MINPP1: variants seen among roughly 807,000 people sequenced by gnomAD.
MINPP1 encodes the protein multiple inositol polyphosphate phosphatase 1.
A neutral mutation model predicts 46.1 loss-of-function variants in MINPP1; 28 were observed. That is an observed-to-expected ratio of 0.61 (90% CI 0.45 to 0.83). The LOEUF is 0.83. MINPP1 is among the 40% of genes least tolerant of loss of function. MINPP1 has a pLI of 0.00. For missense variants in MINPP1, 603 were observed against 610.0 expected (o/e 0.99, Z 0.12); for synonymous variants, 268 against 249.1 (o/e 1.08, Z -0.72).
chr10:87,508,156 A>C (rs1851280779), intron 1 of MINPP1, 180 bp from the exon 2 acceptor site: 1 of 1,540,290 alleles, frequency 6.5e-7, no homozygotes, highest in Non-Finnish European at 8.7e-7. Context: ...CATGCGTTAC[A>C]GCCATTATAA....
chr10:87,513,162 C>T lies in MINPP1; in HGVS notation c.874C>T (p.Leu292=). Residue 292 remains leucine, a synonymous_variant, in exon 3 of 5, where the codon CTG becomes TTG. Coordinates refer to ENST00000371996, the MANE Select transcript of MINPP1 (RefSeq NM_004897.5). ...QVAFFTCSFD[L]AIKGVKSPWC... Reference sequence around the variant, plus strand: ...AGCCTTTTTCACCTGTTCATTTGACCTGGCAATTAAAGGTGTTAAATCTCC... The same window carrying T: ...AGCCTTTTTCACCTGTTCATTTGACTTGGCAATTAAAGGTGTTAAATCTCC... 1 of 1,613,714 alleles carries T rather than the reference C, an allele frequency of 6.2e-7. No homozygotes were observed. The highest frequency in any genetic ancestry group is 8.5e-7 in the Non-Finnish European group (1 of 1,179,806).
Position 87,540,826 on chromosome 10 carries a change from T to C in MINPP1, c.1068-11256T>C, listed in dbSNP as rs532156644. Among the ~76,000 whole-genome samples, 6 of 152,354 alleles carry C rather than the reference T, an allele frequency of 3.9e-5. No individual in the cohort carries two copies. In the East Asian group the frequency reaches 1.2e-3, roughly 29 times the overall value. ...CACAGGGCAAAGAGCAGCATGTTCA[T>C]AGACTTGGAACCAAATCACTTCTTC... On this transcript the variant is annotated intron_variant, in intron 4 of 4. Coordinates refer to ENST00000371996, the MANE Select transcript of MINPP1 (RefSeq NM_004897.5).
chr10:87,546,394 G>A (rs1045641387), intron 4 of MINPP1, among the ~76,000 whole-genome samples: 9 of 152,212 alleles, frequency 5.9e-5, no homozygotes, highest in African/African-American at 1.9e-4. Flanking sequence ...AGAGGTCACT[G>A]TCTTTGCCCT....
rs1373762031 is a variant in MINPP1, at chr10:87,549,067, C to T, written c.1068-3015C>T. ...CTTCCTTGATTTCCCATAAAACTTC[C>T]AGTAAGCATTTTTAAGTATAATTTT... On this transcript the variant is annotated intron_variant, in intron 4 of 4. Transcript: ENST00000371996. Among the ~76,000 whole-genome samples the T allele has an allele frequency of 2.0e-5, 3 of 152,188 alleles. No individual in the cohort carries two copies. The East Asian group carries it at 5.8e-4, about 29-fold the overall frequency.
intron 1 of MINPP1, among the ~76,000 whole-genome samples, chr10:87,507,217 AT>A (rs1264397221): frequency 6.6e-6 from 1 of 152,206 alleles, no homozygotes; most frequent in Non-Finnish European, 1.5e-5. Flanking sequence ...AGTTTTGCCT[AT>A]TATGTACATC....
intron 4 of MINPP1, among the ~76,000 whole-genome samples, chr10:87,540,268 C>G (rs1851794958): frequency 6.6e-6 from 1 of 152,126 alleles, no homozygotes; most frequent in East Asian, 1.9e-4. Context: ...CACATGAGAC[C>G]ATAGATAAAA....
At chr10:87,533,524 C>G (rs1007340208) in intron 4 of MINPP1, among the ~76,000 whole-genome samples, 5 of 152,116 alleles carry the variant, frequency 3.3e-5, no homozygotes, top group African/African-American at 1.2e-4. Flanking sequence ...TTTACTGTCT[C>G]CTTCCCCATA....
intron 1 of MINPP1, chr10:87,508,130 C>T: frequency 6.5e-7 from 1 of 1,527,968 alleles, no homozygotes; most frequent in Non-Finnish European, 8.7e-7. Flanking sequence ...TTTCTTTAGC[C>T]TTTTCTAGCT....
intron 4 of MINPP1, among the ~76,000 whole-genome samples, chr10:87,524,411 A>G (rs1430406189): frequency 6.6e-6 from 1 of 152,180 alleles, no homozygotes; most frequent in Admixed American, 6.5e-5. Flanking sequence ...AGCTGTTTGG[A>G]TCTTCTACCA....
chr10:87,531,485 G>T, intron 4 of MINPP1, among the ~76,000 whole-genome samples: 1 of 152,198 alleles, frequency 6.6e-6, no homozygotes, highest in Non-Finnish European at 1.5e-5. Context: ...TGCATGGCTT[G>T]TAGTAGCAGG....
Position 87,521,068 on chromosome 10 carries a change from T to C in MINPP1, c.966T>C (p.Tyr322=). ...AATATTTAAATGATCTGAAACAATA[T>C]TGGAAAAGAGGATATGGGTATACTA... ...VLEYLNDLKQ[Y]WKRGYGYTIN... is the part of the protein sequence containing the mutation. The change falls in exon 4 of 5, where the codon TAT becomes TAC. Residue 322 remains tyrosine, a synonymous_variant. Transcript: ENST00000371996. 1.5e-6 allele frequency: 2 copies of C among 1,290,674 alleles called. No homozygotes were observed. Among genetic ancestry groups the C allele is most frequent in the Non-Finnish European group, 2.2e-6 (2 of 889,872 alleles). 80.0% of individuals were successfully genotyped at this position (1,290,674 alleles called of 1,614,324 possible). A position where few individuals can be genotyped will look rare whatever the true frequency, so the allele number is the denominator to read the frequency against.
At chr10:87,548,571 AATT>A (rs1851920377) in intron 4 of MINPP1, among the ~76,000 whole-genome samples, 1 of 152,150 alleles carries the variant, frequency 6.6e-6, no homozygotes, top group Non-Finnish European at 1.5e-5. Context: ...GTAAAAAAAT[AATT>A]ATTATGAATG....
chr10:87,549,503 GGTCTGAGCGAAGCT>G (rs1851933242), intron 4 of MINPP1, among the ~76,000 whole-genome samples: 2 of 152,266 alleles, frequency 1.3e-5, no homozygotes, highest in South Asian at 2.1e-4. Flanking sequence ...AAAAGCAGCT[GGTCTGAGCGAAGCT>G]GTCCATACTG....
At chr10:87,522,026 T>C (rs1490228076) in intron 4 of MINPP1, among the ~76,000 whole-genome samples, 1 of 152,174 alleles carries the variant, frequency 6.6e-6, no homozygotes, top group Non-Finnish European at 1.5e-5. Context: ...TTTCCCAAAC[T>C]GGATTGTGGT....
intron 4 of MINPP1, among the ~76,000 whole-genome samples, chr10:87,533,395 A>G (rs1192268019): frequency 6.6e-6 from 1 of 152,008 alleles, no homozygotes; most frequent in Non-Finnish European, 1.5e-5. Context: ...ATGGGATTAA[A>G]GTTAAAACCA....
chr10:87,512,592 G>T (rs533891700), intron 2 of MINPP1, among the ~76,000 whole-genome samples: 1 of 152,162 alleles, frequency 6.6e-6, no homozygotes, highest in South Asian at 2.1e-4. Flanking sequence ...TTCAAGTCGG[G>T]TACTAAAACC....
chr10:87,533,806 C>T (rs537984167), intron 4 of MINPP1, among the ~76,000 whole-genome samples: 1 of 152,008 alleles, frequency 6.6e-6, no homozygotes, highest in South Asian at 2.1e-4. Context: ...CATATTTTAA[C>T]GTAAGATGGC....
intron 4 of MINPP1, among the ~76,000 whole-genome samples, chr10:87,539,134 T>A (rs1851778341): frequency 6.6e-6 from 1 of 152,222 alleles, no homozygotes; most frequent in African/African-American, 2.4e-5. Context: ...ACGCTGTTAT[T>A]CCTAAAATAA....
chr10:87,537,937 T>C (rs1443028227), intron 4 of MINPP1, among the ~76,000 whole-genome samples: 1 of 151,950 alleles, frequency 6.6e-6, no homozygotes, highest in African/African-American at 2.4e-5. Flanking sequence ...GCCTGGCTAA[T>C]CCTTAAAAAA....
Sources: gnomAD v4.1 joint callset for allele counts (sites outside exome capture counted in the v4.1 genomes callset) on GRCh38, gnomAD v4.1.1 for gene constraint, MANE v1.5 for transcripts, NCBI Gene and HGNC (gene_info 2026-07-23, HGNC 2026-07-21) for gene names.